Variants in CA5B observed in about 807,000 individuals in gnomAD.
The protein encoded by CA5B is carbonic anhydrase 5B, mitochondrial.
In CA5B, 15 loss-of-function variants were observed where a neutral mutation model predicts 23.1. That is an observed-to-expected ratio of 0.65 (90% CI 0.43 to 1.00). The LOEUF (loss-of-function observed/expected upper bound fraction) is 1.00. CA5B is among the 50% of genes least tolerant of loss of function. The pLI is 0.00. For missense variants in CA5B, 236 were observed against 252.2 expected (o/e 0.94, Z 0.43); for synonymous variants, 84 against 98.5 (o/e 0.85, Z 0.87).
At chrX:15,752,526 C>T (rs905053956) in intron 2 of CA5B, among the ~76,000 whole-genome samples, 3 of 99,227 alleles carry the variant, frequency 3.0e-5, no homozygotes, top group Admixed American at 2.3e-4. Context: ...GAGATCAAGA[C>T]TATCCTGGCT....
intron 6 of CA5B, chrX:15,775,958 C>G: frequency 1.3e-6 from 1 of 751,303 alleles, no homozygotes; most frequent in Non-Finnish European, 1.6e-6. Flanking sequence ...CCTGTTTTTC[C>G]CTCTCTTTCC....
intron 2 of CA5B, among the ~76,000 whole-genome samples, chrX:15,756,278 C>A (rs1211478663): frequency 8.9e-6 from 1 of 112,150 alleles, no homozygotes; most frequent in Non-Finnish European, 1.9e-5. Context: ...GGGTAGAGAG[C>A]CTTGGTATCA....
intron 2 of CA5B, among the ~76,000 whole-genome samples, chrX:15,751,989 A>C (rs1931365517): frequency 9.0e-6 from 1 of 111,714 alleles, no homozygotes; most frequent in South Asian, 3.7e-4. Flanking sequence ...TAATGAAAAA[A>C]GCCAAATTCT....
chrX:15,782,709 C>G lies in CA5B; in HGVS notation c.*45C>G, dbSNP rs887963377. 1 of 959,412 alleles carries G rather than the reference C, an allele frequency of 1.0e-6. No homozygotes were observed. Among genetic ancestry groups the G allele is most frequent in the Admixed American group, 3.1e-5 (1 of 31,906 alleles). 79.1% of individuals were successfully genotyped at this position (959,412 alleles called of 1,213,427 possible). A position where few individuals can be genotyped will look rare whatever the true frequency, so the allele number is the denominator to read the frequency against. Reference sequence around the variant, plus strand: ...TATTTTGCTTTTGCTTTAATATATACTAGCTTACTATAAATTGTTAACTAG... The same window carrying G: ...TATTTTGCTTTTGCTTTAATATATAGTAGCTTACTATAAATTGTTAACTAG... On this transcript the variant is annotated 3_prime_UTR_variant, in exon 8 of 8. Coordinates refer to ENST00000318636, the MANE Select transcript of CA5B (RefSeq NM_007220.4).
In CA5B at chrX:15,784,998, T is replaced by C. The variant is rs774063490; in HGVS notation, c.*2334T>C. ...TGCAAATCAAAACCACAATGAGATA[T>C]CGTCTCACGCCCATCATGATGGCCA... is the stretch of plus-strand genomic sequence containing the variant. On this transcript the variant is annotated 3_prime_UTR_variant, in exon 8 of 8. Coordinates refer to ENST00000318636, the MANE Select transcript of CA5B (RefSeq NM_007220.4). 1.1e-4 allele frequency: 12 copies of C among 111,953 alleles called. No homozygotes were observed. Among genetic ancestry groups the C allele is most frequent in the Non-Finnish European group, 1.9e-4 (10 of 53,248 alleles). 9.2% of individuals were successfully genotyped at this position (111,953 alleles called of 1,213,427 possible).
At chrX:15,778,316 C>A (rs992159448) in intron 7 of CA5B, among the ~76,000 whole-genome samples, 1 of 111,509 alleles carries the variant, frequency 9.0e-6, no homozygotes, top group African/African-American at 3.3e-5. Flanking sequence ...TATTTATTCA[C>A]CATAAATTTA....
At chrX:15,767,092 A>G in intron 3 of CA5B, 1 of 884,213 alleles carries the variant, frequency 1.1e-6, no homozygotes. Context: ...TAATGGGCAG[A>G]CCCAGTCTAT....
chrX:15,765,290 A>T (rs1931683181), intron 3 of CA5B: 8 of 406,510 alleles, frequency 2.0e-5, no homozygotes, highest in Non-Finnish European at 2.5e-5. Flanking sequence ...ATTTTGTTAA[A>T]TAAACAGTGT....
intron 7 of CA5B, among the ~76,000 whole-genome samples, chrX:15,781,536 A>G (rs1225869913): frequency 8.9e-6 from 1 of 111,964 alleles, no homozygotes; most frequent in Non-Finnish European, 1.9e-5. Flanking sequence ...GACTACCGTA[A>G]TGGACCGTGC....
chrX:15,781,050 G>C (rs1374403903), intron 7 of CA5B, among the ~76,000 whole-genome samples: 1 of 109,352 alleles, frequency 9.1e-6, no homozygotes, highest in African/African-American at 3.3e-5. Context: ...GCGTGCCCAG[G>C]TGAGAGTCCA....
intron 1 of CA5B, among the ~76,000 whole-genome samples, chrX:15,749,484 T>TTTTTG (rs1485059884): frequency 8.9e-6 from 1 of 111,953 alleles, no homozygotes; most frequent in African/African-American, 3.2e-5. Flanking sequence ...TATCTTGGGT[T>TTTTTG]TTTTGTTTTG....
chrX:15,775,380 G>C, intron 6 of CA5B, 72 bp downstream of exon 6: 1 of 1,119,207 alleles, frequency 8.9e-7, no homozygotes, highest in Non-Finnish European at 1.2e-6. Flanking sequence ...ACATTACCAA[G>C]GCACTTTGAA....
chrX:15,763,170 G>C (rs954860241), intron 2 of CA5B: 1 of 155,257 alleles, frequency 6.4e-6, no homozygotes, highest in Non-Finnish European at 1.2e-5. Context: ...AACTCAGCAC[G>C]CACAGTTATG....
intron 3 of CA5B, chrX:15,766,847 G>T (rs778185211): frequency 9.6e-6 from 3 of 312,261 alleles, no homozygotes; most frequent in African/African-American, 8.1e-5. Flanking sequence ...ATTGTGTAGC[G>T]GTGAAGTCTG....
intron 2 of CA5B, among the ~76,000 whole-genome samples, chrX:15,752,795 T>TA (rs1465257679): frequency 5.4e-5 from 6 of 110,930 alleles, no homozygotes; most frequent in Non-Finnish European, 1.1e-4. Context: ...CTAAAGAGAT[T>TA]AACTAAGATC....
chrX:15,780,036 C>G (rs768933230), intron 7 of CA5B, among the ~76,000 whole-genome samples: 158 of 111,454 alleles, frequency 1.4e-3, no homozygotes, highest in African/African-American at 5.0e-3. Flanking sequence ...ATAAAACTTA[C>G]GGTAACACTG....
chrX:15,783,442 A>G lies in CA5B; in HGVS notation c.*778A>G, dbSNP rs976424146. On this transcript the variant is annotated 3_prime_UTR_variant, in exon 8 of 8. Coordinates refer to ENST00000318636, the MANE Select transcript of CA5B (RefSeq NM_007220.4). ...CAGAAATCCCTTTGCATTTCCGAAG[A>G]TCAGATATTTTGCTTAAAGGTCTGA... The G allele has an allele frequency of 1.8e-5, 2 of 111,918 alleles. No individual in the cohort carries two copies. Among genetic ancestry groups the G allele is most frequent in the African/African-American group, 6.5e-5 (2 of 30,762 alleles). The allele number at this position is 111,918 out of a possible 1,213,427, so 9.2% of individuals were successfully genotyped here.
In CA5B at chrX:15,786,307, T is replaced by C. The variant is rs1032741813; in HGVS notation, c.*3643T>C. 1.4e-4 allele frequency: 16 copies of C among 111,477 alleles called. No individual in the cohort carries two copies. Among genetic ancestry groups the C allele is most frequent in the African/African-American group, 5.2e-4 (16 of 30,650 alleles). The allele number at this position is 111,477 out of a possible 1,213,427, so 9.2% of individuals were successfully genotyped here. ...TCTGGCATGATTATTAACCACACTC[T>C]TTTTCACTTTGAACCATGTCCTGGT... On this transcript the variant is annotated 3_prime_UTR_variant, in exon 8 of 8. Coordinates refer to ENST00000318636, the MANE Select transcript of CA5B (RefSeq NM_007220.4).
rs755616075 is a variant in CA5B, at chrX:15,785,457, A to G, written c.*2793A>G. ...GCTATATGATTCCTCCATGTGAAGT[A>G]TGCAAAGTAGTCAAAATCATACAAT... is the stretch of plus-strand genomic sequence containing the variant. On this transcript the variant is annotated 3_prime_UTR_variant, in exon 8 of 8. Transcript: ENST00000318636. The G allele has an allele frequency of 3.6e-5, 4 of 112,601 alleles. No individual in the cohort carries two copies. The highest frequency in any genetic ancestry group is 1.3e-4 in the African/African-American group (4 of 30,998). 9.3% of individuals were successfully genotyped at this position (112,601 alleles called of 1,213,427 possible). A position where few individuals can be genotyped will look rare whatever the true frequency, so the allele number is the denominator to read the frequency against.
Sources: gnomAD v4.1 joint callset for allele counts (sites outside exome capture counted in the v4.1 genomes callset) on GRCh38, gnomAD v4.1.1 for gene constraint, MANE v1.5 for transcripts, NCBI Gene and HGNC (gene_info 2026-07-23, HGNC 2026-07-21) for gene names.